Variants in DIP2C observed in about 807,000 individuals in gnomAD.
DIP2C encodes DIP2 acetate--CoA ligase C (putative).
DIP2C carries 33 observed loss-of-function variants against 192.4 expected under a neutral mutation model. The ratio of observed to expected loss-of-function variants is 0.17; its 90% CI spans 0.13 to 0.23. DIP2C has a LOEUF of 0.23. DIP2C is among the 10% of genes least tolerant of loss of function. The pLI is 1.00. For synonymous variants in DIP2C, 979 were observed against 864.1 expected, an observed-to-expected ratio of 1.13 and a Z score of -2.33; for missense variants, 1,537 against 2,110.1, an observed-to-expected ratio of 0.73 and a Z score of 5.32.
At chr10:293,030 A>G (rs2132215105) in intron 32 of DIP2C, among the ~76,000 whole-genome samples, 1 of 152,376 alleles carries the variant, frequency 6.6e-6, no homozygotes, top group East Asian at 1.9e-4. Flanking sequence ...GCGCCGGCAT[A>G]CGGCAGCACT....
intron 1 of DIP2C, among the ~76,000 whole-genome samples, chr10:570,336 C>CCTG (rs964289391): frequency 1.3e-5 from 2 of 152,166 alleles, no homozygotes; most frequent in African/African-American, 4.8e-5. Context: ...AGCACAGGGC[C>CCTG]CTGCTGACAC....
At chr10:562,872 C>T (rs959190979) in intron 1 of DIP2C, among the ~76,000 whole-genome samples, 5 of 152,320 alleles carry the variant, frequency 3.3e-5, no homozygotes, top group African/African-American at 1.2e-4. Context: ...GAAGAGCTGC[C>T]ATGTGAGTGC....
intron 1 of DIP2C, chr10:628,723 C>G (rs1305125146): frequency 6.6e-6 from 1 of 152,398 alleles, no homozygotes. Context: ...AGAGAGGGCA[C>G]CCGTCTGAGA....
intron 14 of DIP2C, among the ~76,000 whole-genome samples, chr10:386,136 G>A (rs1020070372): frequency 1.3e-5 from 2 of 152,308 alleles, no homozygotes; most frequent in South Asian, 2.1e-4. Flanking sequence ...CGGAAAGTTG[G>A]GTGTTCTAAT....
chr10:582,271 G>C (rs1588516877), intron 1 of DIP2C, among the ~76,000 whole-genome samples: 1 of 152,354 alleles, frequency 6.6e-6, no homozygotes, highest in East Asian at 1.9e-4. Context: ...TCGTGACCCT[G>C]CTGGGCAGAA....
intron 3 of DIP2C, among the ~76,000 whole-genome samples, chr10:472,008 A>T (rs900088159): frequency 3.9e-5 from 6 of 152,176 alleles, no homozygotes; most frequent in African/African-American, 1.4e-4. Flanking sequence ...CCCTGTGCAG[A>T]CGGCATCATA....
At chr10:573,863 T>C (rs537139916) in intron 1 of DIP2C, among the ~76,000 whole-genome samples, 1 of 152,348 alleles carries the variant, frequency 6.6e-6, no homozygotes, top group South Asian at 2.1e-4. Flanking sequence ...TAAAATGTAT[T>C]TTATTCACAG....
chr10:649,138 C>T (rs1588673765), intron 1 of DIP2C, among the ~76,000 whole-genome samples: 2 of 149,616 alleles, frequency 1.3e-5, no homozygotes, highest in Non-Finnish European at 3.0e-5. Context: ...ACTTAGTCCA[C>T]GTCCACAGTG....
intron 2 of DIP2C, among the ~76,000 whole-genome samples, chr10:475,586 T>C (rs867150776): frequency 2.6e-5 from 4 of 152,266 alleles, no homozygotes; most frequent in Middle Eastern, 3.4e-3. Flanking sequence ...AAAGCTACTT[T>C]TGCATACCAT....
Position 348,655 on chromosome 10 carries a change from T to C in DIP2C, c.3217A>G (p.Lys1073Glu). The change falls in exon 26 of 37, where the codon AAG becomes GAG. Residue 1073 changes from lysine (K) to glutamate (E), a missense_variant. By Grantham distance (56) the Lys-to-Glu change is moderately conservative. Transcript: ENST00000280886. ...QNIATTLPTV[K>E]MIVEVSRSAC... ...AGGCATGTTACCTCCACAATCATCT[T>C]GACGGTAGGCAACGTCGTCGCGATG... 1 of 1,613,426 alleles carries C rather than the reference T, an allele frequency of 6.2e-7. No homozygotes were observed. Among genetic ancestry groups the C allele is most frequent in the African/African-American group, 1.3e-5 (1 of 75,014 alleles).
At chr10:670,899 A>G (rs1358744192) in intron 1 of DIP2C, among the ~76,000 whole-genome samples, 3 of 152,260 alleles carry the variant, frequency 2.0e-5, no homozygotes, top group Admixed American at 2.0e-4. Context: ...CATTCAGGGT[A>G]TATGAAGTAA....
In DIP2C at chr10:310,034, T is replaced by C; in HGVS notation, c.3983A>G (p.Asp1328Gly). ...VYVDMRALRH[D>G]RVRLVERGSP... Reference sequence around the variant, plus strand: ...AAAACCCAGAAGTGTACAGTACCTGTCGTGTCTCAGGGCTCTCATGTCCAC... The same window carrying C: ...AAAACCCAGAAGTGTACAGTACCTGCCGTGTCTCAGGGCTCTCATGTCCAC... The change falls in exon 32 of 37, where the codon GAC (aspartate) becomes GGC (glycine). Residue 1328 changes from aspartate to glycine, a missense_variant. This residue lies in a region of DIP2C where 341 missense variants were observed against 551.7 expected (regional missense o/e 0.62). Coordinates refer to ENST00000280886, the MANE Select transcript of DIP2C (RefSeq NM_014974.3). The C allele has an allele frequency of 6.2e-7, 1 of 1,614,156 alleles. No homozygotes were observed. Among genetic ancestry groups the C allele is most frequent in the South Asian group, 1.1e-5 (1 of 91,074 alleles).
chr10:475,135 C>T lies in DIP2C; in HGVS notation c.158-2586G>A, dbSNP rs1027853974. On this transcript the variant is annotated intron_variant, in intron 2 of 36. Transcript: ENST00000280886. ...GTATCATCCCCAAATCTGGAGCCTCCCAGTTTAATTTCTCCAGATAACACA... is the reference window on the plus strand; with the variant it reads ...GTATCATCCCCAAATCTGGAGCCTCTCAGTTTAATTTCTCCAGATAACACA... 6.6e-4 allele frequency among the ~76,000 whole-genome samples: 100 copies of T among 152,260 alleles called. 1 individual carries two copies. The highest frequency in any genetic ancestry group is 2.3e-3 in the African/African-American group (95 of 41,546).
chr10:615,628 C>T (rs1564272904), intron 1 of DIP2C, among the ~76,000 whole-genome samples: 1 of 150,288 alleles, frequency 6.7e-6, no homozygotes, highest in East Asian at 1.9e-4. Context: ...CACACACACC[C>T]GCCCCACACA....
At chr10:445,226 T>C (rs1968064948) in intron 3 of DIP2C, among the ~76,000 whole-genome samples, 1 of 151,446 alleles carries the variant, frequency 6.6e-6, no homozygotes, top group South Asian at 2.2e-4. Flanking sequence ...GGCATCTGTA[T>C]ACAACTGTTG....
chr10:326,898 T>C (rs1185067688), intron 31 of DIP2C, 108 bp downstream of exon 31: 7 of 1,350,350 alleles, frequency 5.2e-6, no homozygotes, highest in African/African-American at 1.5e-5. Flanking sequence ...AGATCTCTTC[T>C]GGATGTAGCT....
Position 449,920 on chromosome 10 carries a change from C to CAA in DIP2C, c.269-8926_269-8925dup, listed in dbSNP as rs59135780. ...ATAAAGATGTTTCAGTCAACAACAA[C>CAA]AAAAAAAAAAAAAAAAGAAAATCTG... On this transcript the variant is annotated intron_variant, in intron 3 of 36. Transcript: ENST00000280886. 7.7e-3 allele frequency among the ~76,000 whole-genome samples: 1,045 copies of CAA among 135,804 alleles called. 18 individuals carry two copies. The highest frequency in any genetic ancestry group is 0.03 in the African/African-American group (1,008 of 33,196). The allele number at this position is 135,804 out of a possible 152,430, so 89.1% of individuals were successfully genotyped here.
chr10:558,149 A>T (rs1369971138), intron 1 of DIP2C, among the ~76,000 whole-genome samples: 1 of 152,186 alleles, frequency 6.6e-6, no homozygotes, highest in Non-Finnish European at 1.5e-5. Context: ...CTTACCAGCC[A>T]CGCTGTTCCC....
At chr10:436,298 C>A (rs1967192303) in intron 4 of DIP2C, among the ~76,000 whole-genome samples, 2 of 152,224 alleles carry the variant, frequency 1.3e-5, no homozygotes, top group South Asian at 4.1e-4. Flanking sequence ...GCTCAGGATC[C>A]CATAAGCTTC....
Sources: gnomAD v4.1 joint callset for allele counts (sites outside exome capture counted in the v4.1 genomes callset) on GRCh38, gnomAD v4.1.1 for gene constraint, gnomAD v4.1.1 regional missense constraint, MANE v1.5 for transcripts, NCBI Gene and HGNC (gene_info 2026-07-23, HGNC 2026-07-21) for gene names.